The following SEMA5A variants were observed in gnomAD, a reference collection of about 807,000 sequenced individuals.
SEMA5A encodes the protein semaphorin-5A.
In SEMA5A, 55 loss-of-function variants were observed where a neutral mutation model predicts 135.5. The ratio of observed to expected loss-of-function variants is 0.41; its 90% CI spans 0.33 to 0.51. SEMA5A has a LOEUF of 0.51. SEMA5A is among the 20% of genes least tolerant of loss of function. The pLI, the probability that SEMA5A is intolerant of heterozygous loss-of-function variation, is 0.37. For missense variants in SEMA5A, 1,290 were observed against 1,419.9 expected (o/e 0.91, Z 1.47); for synonymous variants, 580 against 546.5 (o/e 1.06, Z -0.85).
At chr5:9,047,431 G>A (rs78406464) in intron 21 of SEMA5A, among the ~76,000 whole-genome samples, 1,772 of 152,284 alleles carry the variant, frequency 0.012, 19 homozygotes, top group Non-Finnish European at 0.019. Flanking sequence ...ACATTTTTCT[G>A]CATGGGGAAA....
intron 11 of SEMA5A, among the ~76,000 whole-genome samples, chr5:9,180,031 C>T (rs1744415508): frequency 6.6e-6 from 1 of 152,148 alleles, no homozygotes; most frequent in South Asian, 2.1e-4. Context: ...CTGTCCATTC[C>T]AGGTGTTCCT....
chr5:9,372,694 A>G (rs1755190575), intron 3 of SEMA5A, among the ~76,000 whole-genome samples: 1 of 152,144 alleles, frequency 6.6e-6, no homozygotes, highest in African/African-American at 2.4e-5. Context: ...CATGTCACAC[A>G]CGTGCAGCCA....
At chr5:9,401,746 G>T (rs1045345847) in intron 2 of SEMA5A, among the ~76,000 whole-genome samples, 1 of 152,166 alleles carries the variant, frequency 6.6e-6, no homozygotes, top group African/African-American at 2.4e-5. Context: ...TGTCCTATAG[G>T]AGTTTTCCTT....
Position 9,410,714 on chromosome 5 carries a change from T to C in SEMA5A, c.-78+27042A>G, listed in dbSNP as rs115753601. Among the ~76,000 whole-genome samples the C allele has an allele frequency of 7.8e-3, 1,179 of 151,528 alleles. 17 individuals are homozygous for C. Among genetic ancestry groups the C allele is most frequent in the African/African-American group, 0.027 (1,128 of 41,302 alleles). On this transcript the variant is annotated intron_variant, in intron 2 of 22. Transcript: ENST00000382496. ...TCACACACCTGGGCCTTTTAGGAGG[T>C]GGGGGTGAGGGGAGGAATCTTAGAG...
chr5:9,445,202 A>G (rs1758386343), intron 1 of SEMA5A, among the ~76,000 whole-genome samples: 1 of 152,178 alleles, frequency 6.6e-6, no homozygotes, highest in African/African-American at 2.4e-5. Context: ...TAACACCACA[A>G]TGACATGGGA....
In SEMA5A at chr5:9,400,501, A is replaced by ATTTTTTTTTTTTTTTT. The variant is rs1215358817; in HGVS notation, c.-77-20494_-77-20479dup. On this transcript the variant is annotated intron_variant, in intron 2 of 22. Coordinates refer to ENST00000382496, the MANE Select transcript of SEMA5A (RefSeq NM_003966.3). ...CTTCAATAGTTTGAACACAATGTAC[A>ATTTTTTTTTTTTTTTT]TTTTTTTTTTTTTTTTTTTTTTTGA... 2.0e-4 allele frequency among the ~76,000 whole-genome samples: 17 copies of ATTTTTTTTTTTTTTTT among 87,020 alleles called. 2 individuals are homozygous for ATTTTTTTTTTTTTTTT. The highest frequency in any genetic ancestry group is 7.1e-4 in the African/African-American group (14 of 19,664). 57.1% of individuals were successfully genotyped at this position (87,020 alleles called of 152,430 possible).
chr5:9,141,006 A>G (rs1336551199), intron 12 of SEMA5A, among the ~76,000 whole-genome samples: 1 of 152,208 alleles, frequency 6.6e-6, no homozygotes, highest in Admixed American at 6.5e-5. Flanking sequence ...GATGATTCCA[A>G]TGGTTCTGCA....
chr5:9,206,461 G>T (rs1407992641), intron 8 of SEMA5A, among the ~76,000 whole-genome samples: 1 of 151,436 alleles, frequency 6.6e-6, no homozygotes, highest in Non-Finnish European at 1.5e-5. Flanking sequence ...GTGATGCGAA[G>T]AAAAACATCA....
At chr5:9,358,705 T>G (rs190050538) in intron 3 of SEMA5A, among the ~76,000 whole-genome samples, 23 of 152,190 alleles carry the variant, frequency 1.5e-4, no homozygotes, top group Non-Finnish European at 2.9e-4. Flanking sequence ...AACACATTGA[T>G]GAATGAATGA....
intron 4 of SEMA5A, among the ~76,000 whole-genome samples, chr5:9,325,162 G>T (rs11745486): frequency 0.043 from 6,570 of 151,924 alleles, 160 homozygotes; most frequent in Middle Eastern, 0.052. Flanking sequence ...GCAAGAGTTT[G>T]CCAAAGTGTA....
At chr5:9,401,585 C>T (rs990174286) in intron 2 of SEMA5A, among the ~76,000 whole-genome samples, 3 of 152,154 alleles carry the variant, frequency 2.0e-5, no homozygotes, top group Non-Finnish European at 2.9e-5. Flanking sequence ...TAATGTGGGA[C>T]GTGCTGTCAA....
intron 1 of SEMA5A, chr5:9,498,622 C>T (rs1735420385): frequency 6.6e-6 from 1 of 152,096 alleles, no homozygotes; most frequent in Admixed American, 6.6e-5. Context: ...GATATAGCAG[C>T]AGGGAATAAA....
chr5:9,335,293 G>A (rs1394477721), intron 4 of SEMA5A, among the ~76,000 whole-genome samples: 2 of 152,134 alleles, frequency 1.3e-5, no homozygotes, highest in African/African-American at 4.8e-5. Context: ...AGGGACTCTG[G>A]GATGAAGACC....
chr5:9,522,813 T>A (rs544222852), intron 1 of SEMA5A: 2 of 152,344 alleles, frequency 1.3e-5, no homozygotes, highest in East Asian at 3.9e-4. Context: ...AACATTTCAG[T>A]TCATGAGAGA....
chr5:9,474,766 T>C (rs1759606921), intron 1 of SEMA5A, among the ~76,000 whole-genome samples: 1 of 151,972 alleles, frequency 6.6e-6, no homozygotes, highest in African/African-American at 2.4e-5. Context: ...TCTACCCACC[T>C]CTCCTGCCTC....
At chr5:9,221,495 G>C (rs1289788803) in intron 8 of SEMA5A, among the ~76,000 whole-genome samples, 1 of 151,598 alleles carries the variant, frequency 6.6e-6, no homozygotes, top group Non-Finnish European at 1.5e-5. Flanking sequence ...GTAGAGACGG[G>C]GTTTCACAGT....
intron 2 of SEMA5A, among the ~76,000 whole-genome samples, chr5:9,408,166 C>T (rs1215764288): frequency 6.6e-6 from 1 of 151,946 alleles, no homozygotes; most frequent in East Asian, 1.9e-4. Flanking sequence ...CCACCACCAC[C>T]ACAATCACCA....
At chr5:9,388,739 A>G (rs1276824378) in intron 2 of SEMA5A, among the ~76,000 whole-genome samples, 1 of 152,020 alleles carries the variant, frequency 6.6e-6, no homozygotes, top group Non-Finnish European at 1.5e-5. Flanking sequence ...CTCTACTAAA[A>G]ATACAAAAAA....
At chr5:9,484,987 A>G (rs1760023280) in intron 1 of SEMA5A, among the ~76,000 whole-genome samples, 1 of 152,218 alleles carries the variant, frequency 6.6e-6, no homozygotes, top group South Asian at 2.1e-4. Context: ...AGAAACATCG[A>G]GTATTTTTGT....
Sources: allele counts gnomAD v4.1 joint callset (sites outside exome capture counted in the v4.1 genomes callset), GRCh38; gene constraint gnomAD v4.1.1; transcripts MANE v1.5; gene names NCBI Gene and HGNC (gene_info 2026-07-23, HGNC 2026-07-21).